EXOC6: variants seen among roughly 807,000 people sequenced by gnomAD.
The protein encoded by EXOC6 is SEC15-like 1.
Under a neutral mutation model 112.5 loss-of-function variants are expected in EXOC6, and 60 were observed. The ratio of observed to expected loss-of-function variants is 0.53; its 90% confidence interval spans 0.43 to 0.66. The LOEUF (loss-of-function observed/expected upper bound fraction) is 0.66. Ranked by LOEUF, EXOC6 falls within the 30% of genes least tolerant of loss-of-function variation. EXOC6 has a pLI of 0.00. For missense variants in EXOC6, 855 were observed against 957.1 expected, an observed-to-expected ratio of 0.89 and a Z score of 1.41; for synonymous variants, 295 against 308.0, an observed-to-expected ratio of 0.96 and a Z score of 0.44.
At chr10:92,842,308 G>A (rs916067335) in intron 1 of EXOC6, among the ~76,000 whole-genome samples, 2 of 147,174 alleles carry the variant, frequency 1.4e-5, no homozygotes, top group African/African-American at 5.0e-5. Context: ...GCAGTGAGCT[G>A]AGATCACACC....
chr10:92,940,972 G>T, intron 13 of EXOC6, 148 bp downstream of exon 13: 4 of 651,794 alleles, frequency 6.1e-6, no homozygotes, highest in Non-Finnish European at 1.1e-5. Flanking sequence ...ATTTTCAAGT[G>T]TGTAGTTCAG....
intron 9 of EXOC6, among the ~76,000 whole-genome samples, chr10:92,929,845 A>C (rs1018913333): frequency 6.6e-6 from 1 of 152,240 alleles, no homozygotes; most frequent in Non-Finnish European, 1.5e-5. Flanking sequence ...GATACAGAGA[A>C]GTCTAACATA....
chr10:93,050,276 C>T (rs998687565), intron 20 of EXOC6, among the ~76,000 whole-genome samples: 7 of 152,154 alleles, frequency 4.6e-5, no homozygotes, highest in African/African-American at 9.7e-5. Context: ...AAAGGCCAGA[C>T]GCAGTGGCTC....
At chr10:92,959,542 A>G (rs1245599463) in intron 17 of EXOC6, among the ~76,000 whole-genome samples, 2 of 152,208 alleles carry the variant, frequency 1.3e-5, no homozygotes, top group African/African-American at 4.8e-5. Context: ...CTTCTGTTCT[A>G]TGAAAGACCC....
chr10:92,927,224 G>C (rs1422426522), intron 8 of EXOC6, among the ~76,000 whole-genome samples: 2 of 151,964 alleles, frequency 1.3e-5, no homozygotes, highest in East Asian at 3.9e-4. Flanking sequence ...TTTGACTTTG[G>C]AGCCTTAGAT....
chr10:93,003,470 T>TAA (rs1476699365), intron 19 of EXOC6, among the ~76,000 whole-genome samples: 1 of 152,208 alleles, frequency 6.6e-6, no homozygotes, highest in Non-Finnish European at 1.5e-5. Context: ...TTTTTGGTAT[T>TAA]CCTTGTGACG....
chr10:92,945,346 C>A (rs573604299), intron 13 of EXOC6, among the ~76,000 whole-genome samples: 1 of 152,144 alleles, frequency 6.6e-6, no homozygotes, highest in East Asian at 1.9e-4. Flanking sequence ...TCTGTTGTTT[C>A]CTTGCTGTGC....
chr10:93,057,592 C>T (rs905065327), intron 21 of EXOC6, among the ~76,000 whole-genome samples: 2 of 152,060 alleles, frequency 1.3e-5, no homozygotes, highest in African/African-American at 4.8e-5. Flanking sequence ...TTTCTTTACT[C>T]AATCATATTT....
At chr10:92,854,219 C>T (rs1025988501) in intron 1 of EXOC6, among the ~76,000 whole-genome samples, 2 of 152,038 alleles carry the variant, frequency 1.3e-5, no homozygotes, top group Admixed American at 6.6e-5. Flanking sequence ...GCAGGTGGAT[C>T]ACAAGGTCAA....
Position 92,908,114 on chromosome 10 carries a change from C to T in EXOC6, c.459-1313C>T, listed in dbSNP as rs182194195. On this transcript the variant is annotated intron_variant, in intron 5 of 21. Transcript: ENST00000260762. ...TTACTCTGTCACCCACGCTGGAATG[C>T]AGTTGCACGATCTCACTGCAACTGC... Among the ~76,000 whole-genome samples the T allele has an allele frequency of 7.3e-3, 907 of 124,070 alleles. 16 individuals carry two copies. The highest frequency in any genetic ancestry group is 0.027 in the African/African-American group (857 of 31,252). The allele number at this position is 124,070 out of a possible 152,430, so 81.4% of individuals were successfully genotyped here.
intron 14 of EXOC6, among the ~76,000 whole-genome samples, chr10:92,949,199 T>G (rs1853240730): frequency 6.6e-6 from 1 of 152,226 alleles, no homozygotes; most frequent in Admixed American, 6.5e-5. Context: ...TTTCTACATT[T>G]TTATCACTTC....
chr10:92,924,603 A>G (rs1341724830), intron 8 of EXOC6, among the ~76,000 whole-genome samples: 1 of 152,224 alleles, frequency 6.6e-6, no homozygotes, highest in Non-Finnish European at 1.5e-5. Context: ...GATGGTCATC[A>G]TATCTAATGA....
chr10:92,890,564 G>A (rs1490296203), intron 1 of EXOC6, among the ~76,000 whole-genome samples: 1 of 152,100 alleles, frequency 6.6e-6, no homozygotes, highest in African/African-American at 2.4e-5. Context: ...GAAACAGAGA[G>A]TATATTCTAC....
At chr10:92,899,700 G>A in intron 5 of EXOC6, 56 bp downstream of exon 5, 2 of 1,221,488 alleles carry the variant, frequency 1.6e-6, no homozygotes, top group Non-Finnish European at 2.4e-6. Context: ...ATTATTGAAA[G>A]GACAGATACA....
chr10:92,925,688 G>A (rs1851675063), intron 8 of EXOC6, among the ~76,000 whole-genome samples: 1 of 151,444 alleles, frequency 6.6e-6, no homozygotes, highest in Admixed American at 6.6e-5. Context: ...AAGAGATGGG[G>A]TCTTGCTGTT....
chr10:92,970,218 C>T (rs938304647), intron 17 of EXOC6, among the ~76,000 whole-genome samples: 2 of 152,166 alleles, frequency 1.3e-5, no homozygotes, highest in African/African-American at 4.8e-5. Flanking sequence ...TGGATTCAGC[C>T]TATCATAGAT....
chr10:92,850,523 C>T (rs1312216223), intron 1 of EXOC6, among the ~76,000 whole-genome samples: 1 of 151,480 alleles, frequency 6.6e-6, no homozygotes, highest in East Asian at 1.9e-4. Flanking sequence ...CCTTTTTTTT[C>T]AGGTTTCACG....
intron 1 of EXOC6, among the ~76,000 whole-genome samples, chr10:92,858,954 G>A (rs1847761480): frequency 6.6e-6 from 1 of 152,040 alleles, no homozygotes; most frequent in African/African-American, 2.4e-5. Flanking sequence ...TAGTAGAGAT[G>A]GGGTTTCACC....
Position 92,848,568 on chromosome 10 carries a change from C to G in EXOC6, c.35C>G (p.Pro12Arg). Residue 12 changes from proline to arginine, a missense_variant, in exon 1 of 22, where the codon CCC (proline) becomes CGC (arginine). Pro to Arg is a moderately radical substitution (Grantham distance 103, BLOSUM62 -2). Coordinates refer to ENST00000260762, the MANE Select transcript of EXOC6 (RefSeq NM_019053.6). ...AACAGCGAGAGTCTGGGCACCGTCC[C>G]CGAGCACGAGCGGATCTTGCAGGAG... ...AENSESLGTV[P>R]EHERILQEIE... 6.9e-7 allele frequency: 1 copy of G among 1,451,754 alleles called. No individual in the cohort carries two copies. The highest frequency in any genetic ancestry group is 9.2e-7 in the Non-Finnish European group (1 of 1,085,148). The allele number at this position is 1,451,754 out of a possible 1,614,324, so 89.9% of individuals were successfully genotyped here. A position where few individuals can be genotyped will look rare whatever the true frequency, so the allele number is the denominator to read the frequency against.
Sources: allele counts gnomAD v4.1 joint callset (sites outside exome capture counted in the v4.1 genomes callset), GRCh38; gene constraint gnomAD v4.1.1; transcripts MANE v1.5; gene names NCBI Gene and HGNC (gene_info 2026-07-23, HGNC 2026-07-21).